RASA3: variants seen among roughly 807,000 people sequenced by gnomAD.
The protein encoded by RASA3 is RAS p21 protein activator 3.
RASA3 carries 73 observed loss-of-function variants against 110.0 expected under a neutral mutation model. The observed-to-expected ratio is 0.66, with a 90% CI of 0.55 to 0.81. The LOEUF is 0.81. Among genes scored for constraint, RASA3 ranks in the 30% least tolerant of loss-of-function variants. RASA3 has a pLI of 0.00. For missense variants in RASA3, 976 were observed against 1,113.2 expected, an observed-to-expected ratio of 0.88 and a Z score of 1.75; for synonymous variants, 500 against 451.4, an observed-to-expected ratio of 1.11 and a Z score of -1.37.
chr13:114,102,759 C>G (rs1483908310), intron 1 of RASA3, among the ~76,000 whole-genome samples: 1 of 152,206 alleles, frequency 6.6e-6, no homozygotes, highest in Non-Finnish European at 1.5e-5. Flanking sequence ...TAAACCACCT[C>G]TGTCCTATGG....
chr13:114,091,506 G>A (rs1357325515), intron 1 of RASA3, among the ~76,000 whole-genome samples: 6 of 150,290 alleles, frequency 4.0e-5, no homozygotes, highest in South Asian at 2.2e-4. Context: ...CCATGTGACC[G>A]ATCACATTTA....
At chr13:114,099,490 G>C (rs2139728157) in intron 1 of RASA3, among the ~76,000 whole-genome samples, 1 of 151,828 alleles carries the variant, frequency 6.6e-6, no homozygotes, top group African/African-American at 2.4e-5. Flanking sequence ...TCAGGCCTCT[G>C]GTCAGCGCTT....
chr13:114,096,063 G>A lies in RASA3; in HGVS notation c.56-22226C>T, dbSNP rs1203562822. On this transcript the variant is annotated intron_variant, in intron 1 of 23. Coordinates refer to ENST00000334062, the MANE Select transcript of RASA3 (RefSeq NM_007368.4). This position sits in a 1 kb window ranked among gnomAD's most constrained non-coding sequence, Gnocchi z 5.1. ...AGATGCCACCCTGGGTGGCACTGGT[G>A]TGCCGGGAGGGGGTGCTCTCCAGGT... is the stretch of plus-strand genomic sequence containing the variant. Among the ~76,000 whole-genome samples, 1 of 152,186 alleles carries A rather than the reference G, an allele frequency of 6.6e-6. No individual in the cohort carries two copies. The highest frequency in any genetic ancestry group is 2.4e-5 in the African/African-American group (1 of 41,454).
At chr13:114,076,050 C>A (rs747700622) in intron 1 of RASA3, among the ~76,000 whole-genome samples, 3 of 152,184 alleles carry the variant, frequency 2.0e-5, no homozygotes, top group African/African-American at 7.2e-5. Context: ...CAGCAGCACC[C>A]GCTGCTGCCC....
intron 2 of RASA3, among the ~76,000 whole-genome samples, chr13:114,071,157 G>A (rs200372705): frequency 1.3e-5 from 2 of 152,076 alleles, no homozygotes; most frequent in East Asian, 1.9e-4. Flanking sequence ...TTGCTCTGTC[G>A]CCCAGGCTGA....
At chr13:114,082,696 A>C (rs572140394) in intron 1 of RASA3, among the ~76,000 whole-genome samples, 5 of 152,202 alleles carry the variant, frequency 3.3e-5, no homozygotes, top group Non-Finnish European at 7.3e-5. Flanking sequence ...AGCAACGTTT[A>C]GTTCACACCC....
intron 1 of RASA3, among the ~76,000 whole-genome samples, chr13:114,105,552 C>A (rs1233039340): frequency 1.3e-5 from 2 of 152,212 alleles, no homozygotes; most frequent in African/African-American, 4.8e-5. Flanking sequence ...CCACCGGCAT[C>A]GAAGCTCCTC....
In RASA3 at chr13:114,009,484, A is replaced by G. The variant is rs766540466; in HGVS notation, c.1591-20T>C. On this transcript the variant is annotated intron_variant, in intron 16 of 23. Transcript: ENST00000334062. ...ACTCGCCTAAAATGAAACGGAGATCACTCGAGGACAGCCCGAAGTACCTCG... is the reference window on the plus strand; with the variant it reads ...ACTCGCCTAAAATGAAACGGAGATCGCTCGAGGACAGCCCGAAGTACCTCG... 6.5e-6 allele frequency: 10 copies of G among 1,544,372 alleles called. No homozygotes were observed. The highest frequency in any genetic ancestry group is 3.3e-4 in the Middle Eastern group (2 of 5,976).
At chr13:114,098,603 C>G (rs1465421273) in intron 1 of RASA3, among the ~76,000 whole-genome samples, 1 of 151,894 alleles carries the variant, frequency 6.6e-6, no homozygotes, top group Non-Finnish European at 1.5e-5. Flanking sequence ...CCCCTCCCAA[C>G]AAGATGTAGG....
intron 1 of RASA3, among the ~76,000 whole-genome samples, chr13:114,080,602 G>A (rs929503822): frequency 6.1e-5 from 8 of 131,158 alleles, no homozygotes; most frequent in Non-Finnish European, 9.9e-5. Flanking sequence ...CTATGGTGAC[G>A]GGGTGGCAGG....
intron 1 of RASA3, among the ~76,000 whole-genome samples, chr13:114,131,739 C>T (rs1307314903): frequency 6.6e-6 from 1 of 151,534 alleles, no homozygotes; most frequent in Non-Finnish European, 1.5e-5. Flanking sequence ...CACAAACGCG[C>T]GCACACACAC....
chr13:113,993,837 G>GA (rs1303297681), intron 21 of RASA3, among the ~76,000 whole-genome samples: 543 of 126,850 alleles, frequency 4.3e-3, no homozygotes, highest in African/African-American at 0.013. Context: ...AAAAAGAAAA[G>GA]AAAAGAAAAT....
In RASA3 at chr13:114,013,253, G is replaced by A. The variant is rs200267013; in HGVS notation, c.1406-5C>T. On this transcript the variant is annotated splice_polypyrimidine_tract_variant and splice_region_variant and intron_variant, in intron 14 of 23. Coordinates refer to ENST00000334062, the MANE Select transcript of RASA3 (RefSeq NM_007368.4). ...TGTACCTGACGTCCGGGTCATCTGC[G>A]GGAGAGAGAAGCAGGGTGACCGTTT... is the stretch of plus-strand genomic sequence containing the variant. The A allele has an allele frequency of 5.6e-6, 9 of 1,607,720 alleles. No individual in the cohort carries two copies. The highest frequency in any genetic ancestry group is 1.3e-5 in the African/African-American group (1 of 74,938).
chr13:114,018,686 G>T (rs1446568198), intron 10 of RASA3, 77 bp downstream of exon 10: 1 of 1,543,782 alleles, frequency 6.5e-7, no homozygotes, highest in African/African-American at 1.4e-5. Flanking sequence ...CCTCTGGGGT[G>T]GGCCCGGGTG....
At position 114,096,997 on chromosome 13, in the gene RASA3, G is replaced by A. The variant is rs930938922; in HGVS notation, c.56-23160C>T. On this transcript the variant is annotated intron_variant, in intron 1 of 23. Coordinates refer to ENST00000334062, the MANE Select transcript of RASA3 (RefSeq NM_007368.4). This position sits in a 1 kb window ranked among gnomAD's most constrained non-coding sequence, Gnocchi z 5.1. ...GGCCACTCTGAGTCTGCTCCTCCAC[G>A]AGGCTCCCAGATCACCCCCAAAGCC... Among the ~76,000 whole-genome samples the A allele has an allele frequency of 9.2e-5, 14 of 152,080 alleles. No homozygotes were observed. Among genetic ancestry groups the A allele is most frequent in the East Asian group, 1.9e-4 (1 of 5,186 alleles).
chr13:113,992,595 A>C lies in RASA3; in HGVS notation c.2142-7T>G. Reference sequence around the variant, plus strand: ...GATGTTGGCTGGGAGGCCGCTGTCCAGACACAGCAAGAACAGAAAGATAAA... The same window carrying C: ...GATGTTGGCTGGGAGGCCGCTGTCCCGACACAGCAAGAACAGAAAGATAAA... On this transcript the variant is annotated splice_polypyrimidine_tract_variant and splice_region_variant and intron_variant, in intron 21 of 23. Transcript: ENST00000334062. 1 of 1,601,776 alleles carries C rather than the reference A, an allele frequency of 6.2e-7. No homozygotes were observed. Among genetic ancestry groups the C allele is most frequent in the Non-Finnish European group, 8.5e-7 (1 of 1,169,742 alleles).
In RASA3 at chr13:114,126,278, G is replaced by T. The variant is rs755479875; in HGVS notation, c.55+6157C>A. ...ACACCACATCCCCACGGGACCCCGT[G>T]TGGCCCCTTCTGTCAACCCATCGGC... On this transcript the variant is annotated intron_variant, in intron 1 of 23. Transcript: ENST00000334062. 2.0e-5 allele frequency among the ~76,000 whole-genome samples: 3 copies of T among 152,222 alleles called. No homozygotes were observed. The East Asian group carries it at 5.8e-4, about 29-fold the overall frequency.
chr13:114,014,885 C>G lies in RASA3; in HGVS notation c.1405+324G>C, dbSNP rs561758051. On this transcript the variant is annotated intron_variant, in intron 14 of 23. Transcript: ENST00000334062. The surrounding 1 kb of genome is among the most constrained non-coding windows in gnomAD (Gnocchi z 4.5). The stretch of plus-strand genomic sequence containing the variant: ...ACAAAGCCTGGCCACCCTTCCCGGC[C>G]CCCCCAGAGACCACTGTGGTCGTGA... Among the ~76,000 whole-genome samples, 1 of 152,076 alleles carries G rather than the reference C, an allele frequency of 6.6e-6. No individual in the cohort carries two copies. Among genetic ancestry groups the G allele is most frequent in the Non-Finnish European group, 1.5e-5 (1 of 67,990 alleles).
At chr13:114,041,510 C>T (rs577813834) in intron 3 of RASA3, among the ~76,000 whole-genome samples, 3 of 152,368 alleles carry the variant, frequency 2.0e-5, no homozygotes, top group South Asian at 2.1e-4. Context: ...CACTGTGGTC[C>T]GTGGCCAGTT....
Sources: gnomAD v4.1 joint callset for allele counts (sites outside exome capture counted in the v4.1 genomes callset) on GRCh38, gnomAD v4.1.1 for gene constraint, Gnocchi (gnomAD v3.1) non-coding constraint, MANE v1.5 for transcripts, NCBI Gene and HGNC (gene_info 2026-07-23, HGNC 2026-07-21) for gene names.